FLACC1: variants seen among roughly 807,000 people sequenced by gnomAD.
FLACC1 encodes the protein flagellum associated containing coiled-coil domains 1.
FLACC1 carries 66 observed loss-of-function variants against 62.8 expected under a neutral mutation model. That is an observed-to-expected ratio of 1.05 (90% CI 0.86 to 1.29). The LOEUF (loss-of-function observed/expected upper bound fraction) is 1.29. Ranked by LOEUF, FLACC1 falls within the 50% of genes most tolerant of loss-of-function variation. FLACC1 has a pLI of 0.00. For synonymous variants in FLACC1, 156 were observed against 161.0 expected (o/e 0.97, Z 0.24); for missense variants, 452 against 489.1 (o/e 0.92, Z 0.71).
intron 10 of FLACC1, 103 bp from the exon 11 acceptor site, chr2:201,307,725 C>G (rs928523329): frequency 3.3e-5 from 29 of 883,506 alleles, no homozygotes; most frequent in Middle Eastern, 3.0e-4. Context: ...CAGACTGTGT[C>G]AGACTCAAGG....
intron 9 of FLACC1, among the ~76,000 whole-genome samples, chr2:201,324,912 G>C (rs538240558): frequency 5.3e-5 from 8 of 152,232 alleles, no homozygotes; most frequent in Non-Finnish European, 8.8e-5. Flanking sequence ...TGGATCACTT[G>C]AGGCCAGGAG....
At chr2:201,309,925 A>AAAAAAAAAAAAAAAAAAAAAAAAAGAAG (rs764506462) in intron 9 of FLACC1, among the ~76,000 whole-genome samples, 2 of 99,392 alleles carry the variant, frequency 2.0e-5, no homozygotes, top group Admixed American at 1.1e-4. Context: ...AAAAAAAAAA[A>AAAAAAAAAAAAAAAAAAAAAAAAAGAAG]AAGAAGAAGA....
the FLACC1 span, among the ~76,000 whole-genome samples, chr2:201,364,204 G>A: frequency 6.6e-6 from 1 of 151,916 alleles, no homozygotes; most frequent in African/African-American, 2.4e-5. Flanking sequence ...GGTTATAGAA[G>A]CAAAGCCAAA....
chr2:201,327,441 C>T (rs554049135), intron 9 of FLACC1, among the ~76,000 whole-genome samples: 2 of 151,858 alleles, frequency 1.3e-5, no homozygotes, highest in African/African-American at 4.8e-5. Flanking sequence ...TCAAAATCTA[C>T]AAGGAATTCA....
chr2:201,301,259 A>G (rs1949975524), intron 11 of FLACC1, among the ~76,000 whole-genome samples: 2 of 152,244 alleles, frequency 1.3e-5, no homozygotes, highest in South Asian at 4.1e-4. Flanking sequence ...GCTGAAAATC[A>G]TGGCACAAGA....
chr2:201,358,574 G>A (rs917852026), upstream of FLACC1, among the ~76,000 whole-genome samples: 44 of 151,738 alleles, frequency 2.9e-4, no homozygotes, highest in South Asian at 8.8e-3. Flanking sequence ...CCGCCACTAC[G>A]CCCGGCTAAT....
intron 12 of FLACC1, among the ~76,000 whole-genome samples, chr2:201,292,844 A>C (rs2125535031): frequency 6.6e-6 from 1 of 152,346 alleles, no homozygotes; most frequent in East Asian, 1.9e-4. Context: ...AAGCAAATGG[A>C]AAACAAAAAA....
At chr2:201,348,140 AG>A in intron 4 of FLACC1, 113 bp downstream of exon 4, 1 of 1,085,494 alleles carries the variant, frequency 9.2e-7, no homozygotes, top group East Asian at 2.7e-5. Context: ...ACCTCCTCCC[AG>A]GATCTTTGTG....
chr2:201,338,003 G>T (rs146198195), intron 7 of FLACC1, among the ~76,000 whole-genome samples: 2 of 152,098 alleles, frequency 1.3e-5, no homozygotes, highest in Non-Finnish European at 2.9e-5. Flanking sequence ...CCATTTTGGC[G>T]ATCTTAATTC....
Position 201,330,542 on chromosome 2 carries a change from C to A in FLACC1, c.623-20G>T. The A allele has an allele frequency of 6.2e-7, 1 of 1,610,622 alleles. No homozygotes were observed. The highest frequency in any genetic ancestry group is 8.5e-7 in the Non-Finnish European group (1 of 1,178,034). ...TCTCCTCTGGATAAAAGGAAAACAA[C>A]AGGATCATCATTAGTCTTCTGATAT... On this transcript the variant is annotated intron_variant, in intron 8 of 14. Transcript: ENST00000392257.
At chr2:201,341,843 T>C (rs890510415) in intron 7 of FLACC1, among the ~76,000 whole-genome samples, 1 of 152,224 alleles carries the variant, frequency 6.6e-6, no homozygotes, top group South Asian at 2.1e-4. Context: ...CGGACCATGG[T>C]AACCATGTTC....
At chr2:201,363,567 C>T in the FLACC1 span, among the ~76,000 whole-genome samples, 7 of 151,984 alleles carry the variant, frequency 4.6e-5, no homozygotes, top group East Asian at 7.8e-4. Context: ...ATCAGGCATT[C>T]GGAGCACCCA....
upstream of FLACC1, among the ~76,000 whole-genome samples, chr2:201,358,680 G>C (rs2110687): frequency 6.6e-6 from 1 of 150,596 alleles, no homozygotes; most frequent in South Asian, 2.1e-4. Context: ...GCCTCCCAAA[G>C]TGCTGGGATT....
chr2:201,324,009 T>C (rs575590783), intron 9 of FLACC1, among the ~76,000 whole-genome samples: 6 of 152,066 alleles, frequency 3.9e-5, no homozygotes, highest in Non-Finnish European at 8.8e-5. Context: ...CACATCTCAA[T>C]ATTAATGTTG....
intron 12 of FLACC1, among the ~76,000 whole-genome samples, chr2:201,291,529 T>A (rs554218083): frequency 6.6e-6 from 1 of 152,256 alleles, no homozygotes; most frequent in East Asian, 1.9e-4. Flanking sequence ...CATCTGTACG[T>A]CACTGTCATC....
intron 7 of FLACC1, among the ~76,000 whole-genome samples, chr2:201,331,794 A>C (rs550758981): frequency 3.3e-5 from 5 of 152,348 alleles, no homozygotes; most frequent in African/African-American, 1.2e-4. Flanking sequence ...ATGTCATTAC[A>C]CATTTGTCCA....
intron 7 of FLACC1, among the ~76,000 whole-genome samples, chr2:201,340,561 AAT>A (rs1950788365): frequency 6.6e-6 from 1 of 152,214 alleles, no homozygotes; most frequent in Non-Finnish European, 1.5e-5. Flanking sequence ...ATCATTTTAT[AAT>A]ATGATTTATC....
At chr2:201,319,762 T>A (rs1950368880) in intron 9 of FLACC1, among the ~76,000 whole-genome samples, 2 of 152,228 alleles carry the variant, frequency 1.3e-5, no homozygotes, top group South Asian at 4.1e-4. Flanking sequence ...AATGGCAGAT[T>A]AGAGGCATTG....
Position 201,301,607 on chromosome 2 carries a change from G to A in FLACC1, c.880-2307C>T, listed in dbSNP as rs1026743229. 8.5e-5 allele frequency among the ~76,000 whole-genome samples: 13 copies of A among 152,148 alleles called. 1 individual carries two copies. The highest frequency in any genetic ancestry group is 3.1e-4 in the African/African-American group (13 of 41,434). On this transcript the variant is annotated intron_variant, in intron 11 of 14. Transcript: ENST00000392257. ...GCCACAAAGATACTCCTCGAGAAGAGCAACTCCAAGACACATAATTGTCAG... is the reference window on the plus strand; with the variant it reads ...GCCACAAAGATACTCCTCGAGAAGAACAACTCCAAGACACATAATTGTCAG...
Sources: allele counts gnomAD v4.1 joint callset (sites outside exome capture counted in the v4.1 genomes callset), GRCh38; gene constraint gnomAD v4.1.1; transcripts MANE v1.5; gene names NCBI Gene and HGNC (gene_info 2026-07-23, HGNC 2026-07-21).